The following KCTD16 variants were observed in gnomAD, a reference collection of about 807,000 sequenced individuals.
KCTD16 encodes potassium channel tetramerization domain containing 16, also known as BTB/POZ domain-containing protein KCTD16.
KCTD16 carries 13 observed loss-of-function variants against 33.2 expected under a neutral mutation model. The observed-to-expected ratio is 0.39, with a 90% confidence interval of 0.25 to 0.62. The LOEUF (loss-of-function observed/expected upper bound fraction) is 0.62, where lower values mean the gene tolerates loss of function less well. Among genes scored for constraint, KCTD16 ranks in the 20% least tolerant of loss-of-function variants. The pLI is 0.50. For missense variants in KCTD16, 441 were observed against 525.1 expected (o/e 0.84, Z 1.57); for synonymous variants, 197 against 195.3 (o/e 1.01, Z -0.07).
chr5:144,239,078 G>A (rs1459105886), intron 3 of KCTD16, among the ~76,000 whole-genome samples: 9 of 152,142 alleles, frequency 5.9e-5, no homozygotes, highest in Non-Finnish European at 1.0e-4. Context: ...CCACTTACTT[G>A]TTGTGTGATT....
chr5:144,271,945 A>C (rs1755309408), intron 3 of KCTD16, among the ~76,000 whole-genome samples: 1 of 152,166 alleles, frequency 6.6e-6, no homozygotes, highest in African/African-American at 2.4e-5. Context: ...ATACATAGGA[A>C]TCAACGTAAC....
chr5:144,429,189 A>G (rs1753401305), intron 3 of KCTD16, among the ~76,000 whole-genome samples: 1 of 152,126 alleles, frequency 6.6e-6, no homozygotes, highest in Non-Finnish European at 1.5e-5. Context: ...AATCTTTATC[A>G]AGCACTGATT....
chr5:144,219,744 T>C (rs1753682361), intron 3 of KCTD16, among the ~76,000 whole-genome samples: 1 of 151,766 alleles, frequency 6.6e-6, no homozygotes, highest in Non-Finnish European at 1.5e-5. Context: ...GGTCTCGAGC[T>C]CCTGATCTAC....
At chr5:144,215,601 C>T (rs990809358) in intron 3 of KCTD16, among the ~76,000 whole-genome samples, 2 of 152,152 alleles carry the variant, frequency 1.3e-5, no homozygotes, top group Non-Finnish European at 2.9e-5. Flanking sequence ...GCCTCAGTTT[C>T]CTCAACTGTA....
intron 2 of KCTD16, among the ~76,000 whole-genome samples, chr5:144,201,048 T>C (rs530682465): frequency 6.6e-6 from 1 of 152,310 alleles, no homozygotes; most frequent in Admixed American, 6.5e-5. Context: ...ACCCAGCCAA[T>C]GTAACTTTAA....
chr5:144,272,211 G>T (rs559280377), intron 3 of KCTD16, among the ~76,000 whole-genome samples: 4 of 152,124 alleles, frequency 2.6e-5, no homozygotes, highest in Admixed American at 1.3e-4. Flanking sequence ...ATCACCTGAG[G>T]TCAGGAGTTC....
At chr5:144,343,528 C>G (rs915316688) in intron 3 of KCTD16, among the ~76,000 whole-genome samples, 1 of 151,922 alleles carries the variant, frequency 6.6e-6, no homozygotes, top group Non-Finnish European at 1.5e-5. Flanking sequence ...TTCAAAAAAC[C>G]AGCTCCTGGA....
At chr5:144,298,198 T>G (rs1451204376) in intron 3 of KCTD16, among the ~76,000 whole-genome samples, 2 of 152,272 alleles carry the variant, frequency 1.3e-5, no homozygotes, top group South Asian at 2.1e-4. Flanking sequence ...CGGCCCAAGA[T>G]TCCATTCCTT....
intron 3 of KCTD16, among the ~76,000 whole-genome samples, chr5:144,345,600 C>G (rs758904960): frequency 6.6e-6 from 1 of 152,170 alleles, no homozygotes; most frequent in Non-Finnish European, 1.5e-5. Flanking sequence ...ATGCCATGCA[C>G]TCTCTTAGAG....
intron 3 of KCTD16, among the ~76,000 whole-genome samples, chr5:144,410,105 AG>A (rs1276454734): frequency 6.6e-6 from 1 of 152,170 alleles, no homozygotes; most frequent in Non-Finnish European, 1.5e-5. Flanking sequence ...GTAACTTTGC[AG>A]TTAGAATGGC....
rs931443498 is a variant in KCTD16 at position 144,481,174 on chromosome 5, T to C, written c.*7060T>C. 1 of 151,952 alleles carries C rather than the reference T, an allele frequency of 6.6e-6. No homozygotes were observed. The highest frequency in any genetic ancestry group is 1.5e-5 in the Non-Finnish European group (1 of 67,912). 9.4% of individuals were successfully genotyped at this position (151,952 alleles called of 1,614,324 possible). A position where few individuals can be genotyped will look rare whatever the true frequency, so the allele number is the denominator to read the frequency against. ...TTTCAACAGCTAAATGTGTTTGTTG[T>C]GAAGCACTCTGGGATCCTTTTCAGT... On this transcript the variant is annotated 3_prime_UTR_variant, in exon 4 of 4. Coordinates refer to ENST00000512467, the MANE Select transcript of KCTD16 (RefSeq NM_020768.4).
intron 3 of KCTD16, among the ~76,000 whole-genome samples, chr5:144,257,402 G>C (rs1754879124): frequency 6.6e-6 from 1 of 152,034 alleles, no homozygotes; most frequent in Admixed American, 6.5e-5. Context: ...TGACACATTT[G>C]TTTCAGGTTT....
Position 144,426,112 on chromosome 5 carries a change from C to T in KCTD16, c.833-47548C>T, listed in dbSNP as rs188916552. On this transcript the variant is annotated intron_variant, in intron 3 of 3. Coordinates refer to ENST00000512467, the MANE Select transcript of KCTD16 (RefSeq NM_020768.4). ...TATGCAGCTAAAACCAGCCACACAGCAGAATGAATGTATTGCTGCTTAGGT... is the reference window on the plus strand; with the variant it reads ...TATGCAGCTAAAACCAGCCACACAGTAGAATGAATGTATTGCTGCTTAGGT... Among the ~76,000 whole-genome samples the T allele has an allele frequency of 9.3e-4, 141 of 152,250 alleles. 1 individual carries two copies. The highest frequency in any genetic ancestry group is 3.2e-3 in the African/African-American group (134 of 41,560).
chr5:144,374,634 G>C (rs1752044831), intron 3 of KCTD16, among the ~76,000 whole-genome samples: 1 of 152,154 alleles, frequency 6.6e-6, no homozygotes. Context: ...CCTGTCCCTA[G>C]TAGAAAGGAA....
chr5:144,345,954 A>ATT (rs35514283), intron 3 of KCTD16, among the ~76,000 whole-genome samples: 6,212 of 140,662 alleles, frequency 0.044, 479 homozygotes, highest in African/African-American at 0.15. Context: ...TATTCATTCT[A>ATT]TTTTTTTTTT....
In KCTD16 at chr5:144,477,198, T is replaced by TA. The variant is rs1754613262; in HGVS notation, c.*3085dup. Reference sequence around the variant, plus strand: ...ACAGGAATGTAAAACTACTAGATCATATGGTATTGTGATTTTCTTTCCCCT... The same window carrying TA: ...ACAGGAATGTAAAACTACTAGATCATAATGGTATTGTGATTTTCTTTCCCCT... On this transcript the variant is annotated 3_prime_UTR_variant, in exon 4 of 4. Coordinates refer to ENST00000512467, the MANE Select transcript of KCTD16 (RefSeq NM_020768.4). 6.6e-6 allele frequency: 1 copy of TA among 152,090 alleles called. No individual in the cohort carries two copies. The highest frequency in any genetic ancestry group is 6.6e-5 in the Admixed American group (1 of 15,260). 9.4% of individuals were successfully genotyped at this position (152,090 alleles called of 1,614,324 possible).
intron 3 of KCTD16, among the ~76,000 whole-genome samples, chr5:144,251,380 A>T (rs953600959): frequency 6.6e-6 from 1 of 152,150 alleles, no homozygotes; most frequent in African/African-American, 2.4e-5. Context: ...TTACAGTGAG[A>T]TTATAAACAT....
intron 2 of KCTD16, among the ~76,000 whole-genome samples, chr5:144,180,223 A>G (rs1359318987): frequency 2.6e-5 from 4 of 152,186 alleles, no homozygotes; most frequent in Admixed American, 6.5e-5. Context: ...ATCTGTTTCT[A>G]AGACCCACAG....
chr5:144,278,709 G>A (rs1184297300), intron 3 of KCTD16, among the ~76,000 whole-genome samples: 3 of 151,746 alleles, frequency 2.0e-5, no homozygotes, highest in Non-Finnish European at 4.4e-5. Context: ...TTGTTAGCCA[G>A]GATGGTCTCG....
Sources: allele counts gnomAD v4.1 joint callset (sites outside exome capture counted in the v4.1 genomes callset), GRCh38; gene constraint gnomAD v4.1.1; transcripts MANE v1.5; gene names NCBI Gene and HGNC (gene_info 2026-07-23, HGNC 2026-07-21).